Variants in FAM163B observed in about 807,000 individuals in gnomAD.
FAM163B encodes protein FAM163B.
A neutral mutation model predicts 7.6 loss-of-function variants in FAM163B; 4 were observed. The ratio of observed to expected loss-of-function variants is 0.52; its 90% CI spans 0.26 to 1.20. FAM163B has a LOEUF of 1.20. Among genes scored for constraint, FAM163B ranks in the 50% most tolerant of loss-of-function variants. The pLI is 0.14. For synonymous variants in FAM163B, 120 were observed against 111.6 expected (o/e 1.07, Z -0.47); for missense variants, 250 against 243.0 (o/e 1.03, Z -0.19).
At chr9:133,590,054 TCCCTTCCCTTC>T (rs1158393485) in intron 1 of FAM163B, among the ~76,000 whole-genome samples, 762 of 27,346 alleles carry the variant, frequency 0.028, 82 homozygotes, top group African/African-American at 0.086. Flanking sequence ...TCCCTTCCCT[TCCCTTCCCTTC>T]CCCTTCCCTT....
chr9:133,587,720 TC>T (rs1382232372), intron 1 of FAM163B, among the ~76,000 whole-genome samples: 1 of 151,956 alleles, frequency 6.6e-6, no homozygotes, highest in East Asian at 1.9e-4. Context: ...GTGGCTTGCG[TC>T]CCCGACGGGT....
At chr9:133,605,925 C>T (rs537672104) in intron 1 of FAM163B, among the ~76,000 whole-genome samples, 1 of 152,320 alleles carries the variant, frequency 6.6e-6, no homozygotes, top group Non-Finnish European at 1.5e-5. Flanking sequence ...TGCAGGGCCC[C>T]CTCTCCAAGT....
At chr9:133,596,045 G>T (rs111825156) in intron 1 of FAM163B, among the ~76,000 whole-genome samples, 14,595 of 152,104 alleles carry the variant, frequency 0.096, 837 homozygotes, top group Middle Eastern at 0.2. Context: ...TGCAAGGCAG[G>T]CATGGTGGGG....
intron 1 of FAM163B, among the ~76,000 whole-genome samples, chr9:133,588,608 G>T (rs28597082): frequency 4.6e-3 from 7 of 1,534 alleles, no homozygotes; most frequent in African/African-American, 8.5e-3. Flanking sequence ...AGGGATCTAG[G>T]ATGCTGAAGG....
At chr9:133,596,098 C>T (rs1831628121) in intron 1 of FAM163B, among the ~76,000 whole-genome samples, 1 of 151,740 alleles carries the variant, frequency 6.6e-6, no homozygotes, top group Non-Finnish European at 1.5e-5. Flanking sequence ...CAGAGGCTGT[C>T]ATGGTCATCA....
Position 133,581,515 on chromosome 9 carries a change from G to A in FAM163B, c.-23-1269C>T, listed in dbSNP as rs1056077077. Among the ~76,000 whole-genome samples the A allele has an allele frequency of 1.5e-4, 23 of 152,202 alleles. No homozygotes were observed. In the South Asian group the frequency reaches 3.9e-3, roughly 26 times the overall value. ...ATTTTAAAAAAATTACCCAGCCTAC[G>A]TTTAGCTTTCTCCTGTCGTCTCTGA... On this transcript the variant is annotated intron_variant, in intron 1 of 2. Transcript: ENST00000673969.
intron 1 of FAM163B, among the ~76,000 whole-genome samples, chr9:133,593,823 CA>C (rs1831591397): frequency 2.6e-5 from 4 of 152,372 alleles, no homozygotes; most frequent in Middle Eastern, 3.4e-3. Flanking sequence ...AGACACTGCC[CA>C]GGGGCTGGCA....
chr9:133,597,324 C>A (rs145438091), intron 1 of FAM163B, among the ~76,000 whole-genome samples: 4 of 152,112 alleles, frequency 2.6e-5, no homozygotes. Flanking sequence ...GAGATGAAAA[C>A]ATGACAATGC....
chr9:133,605,912 G>A (rs1831783569), intron 1 of FAM163B, among the ~76,000 whole-genome samples: 1 of 152,050 alleles, frequency 6.6e-6, no homozygotes, highest in Admixed American at 6.5e-5. Context: ...CCAGCTTCCT[G>A]CCTGCAGGGC....
intron 1 of FAM163B, among the ~76,000 whole-genome samples, chr9:133,597,442 G>C (rs2131253651): frequency 6.6e-6 from 1 of 152,210 alleles, no homozygotes; most frequent in South Asian, 2.1e-4. Context: ...GTGAAATAGA[G>C]AGAAAAACAT....
At chr9:133,603,784 C>T (rs1831758130) in intron 1 of FAM163B, among the ~76,000 whole-genome samples, 1 of 152,194 alleles carries the variant, frequency 6.6e-6, no homozygotes, top group Non-Finnish European at 1.5e-5. Flanking sequence ...CACCTGCTAC[C>T]TTGCACCCAT....
chr9:133,579,742 G>T (rs1419787048), intron 2 of FAM163B, among the ~76,000 whole-genome samples: 2 of 152,204 alleles, frequency 1.3e-5, no homozygotes, highest in Non-Finnish European at 2.9e-5. Flanking sequence ...CAGAGCCGGG[G>T]GTCACAGGCA....
At position 133,606,606 on chromosome 9, in the gene FAM163B, C is replaced by T. The variant is rs1310787292; in HGVS notation, c.-24+2471G>A. Among the ~76,000 whole-genome samples the T allele has an allele frequency of 6.6e-6, 1 of 152,224 alleles. No individual in the cohort carries two copies. Among genetic ancestry groups the T allele is most frequent in the Non-Finnish European group, 1.5e-5 (1 of 68,032 alleles). On this transcript the variant is annotated intron_variant, in intron 1 of 2. Coordinates refer to ENST00000673969, the MANE Select transcript of FAM163B (RefSeq NM_001080515.3). The surrounding 1 kb of genome is among the most constrained non-coding windows in gnomAD (Gnocchi z 4.0). ...TTGCAGATGGGGATGCGGAATGATG[C>T]ACCCGTGGTCTGGCCTGGAAACCAC...
chr9:133,598,865 G>C (rs980856192), intron 1 of FAM163B, among the ~76,000 whole-genome samples: 19 of 152,148 alleles, frequency 1.2e-4, no homozygotes, highest in Non-Finnish European at 2.2e-4. Flanking sequence ...TCATGTGCCT[G>C]TCCCCCAGGG....
rs1392826775 is a variant in FAM163B, at chr9:133,578,839, T to A, written c.*183A>T. 1 of 1,178,784 alleles carries A rather than the reference T, an allele frequency of 8.5e-7. No homozygotes were observed. Among genetic ancestry groups the A allele is most frequent in the Non-Finnish European group, 1.1e-6 (1 of 879,338 alleles). The allele number at this position is 1,178,784 out of a possible 1,614,324, so 73.0% of individuals were successfully genotyped here. A position where few individuals can be genotyped will look rare whatever the true frequency, so the allele number is the denominator to read the frequency against. On this transcript the variant is annotated 3_prime_UTR_variant, in exon 3 of 3. Coordinates refer to ENST00000673969, the MANE Select transcript of FAM163B (RefSeq NM_001080515.3). ...GCCTCCCCCCAGGACACATTTGTGT[T>A]CAATGAGCCTTATCCCTGCCACGAG...
intron 1 of FAM163B, among the ~76,000 whole-genome samples, chr9:133,584,013 C>T (rs1205650166): frequency 6.6e-6 from 1 of 151,308 alleles, no homozygotes; most frequent in Non-Finnish European, 1.5e-5. Context: ...TGCCTCCCCT[C>T]TGCTCTAGCT....
At chr9:133,580,835 T>A (rs912153971) in intron 1 of FAM163B, among the ~76,000 whole-genome samples, 1 of 152,254 alleles carries the variant, frequency 6.6e-6, no homozygotes, top group Non-Finnish European at 1.5e-5. Flanking sequence ...TGCGGCTTAG[T>A]AGCATGAATT....
At chr9:133,599,948 TGTGTGTGC>T (rs1250074927) in intron 1 of FAM163B, among the ~76,000 whole-genome samples, 3 of 133,116 alleles carry the variant, frequency 2.3e-5, no homozygotes, top group African/African-American at 5.8e-5. Flanking sequence ...TATGTGCATA[TGTGTGTGC>T]GTGTGTGCAT....
intron 1 of FAM163B, among the ~76,000 whole-genome samples, chr9:133,590,468 G>T (rs186271941): frequency 6.6e-6 from 1 of 152,100 alleles, no homozygotes; most frequent in Non-Finnish European, 1.5e-5. Context: ...GGCACAGCCG[G>T]CGCAGGCACT....
Sources: allele counts gnomAD v4.1 joint callset (sites outside exome capture counted in the v4.1 genomes callset), GRCh38; gene constraint gnomAD v4.1.1; non-coding constraint Gnocchi (gnomAD v3.1); transcripts MANE v1.5; gene names NCBI Gene and HGNC (gene_info 2026-07-23, HGNC 2026-07-21).